The following COLEC11 variants were observed in gnomAD, a reference collection of about 807,000 sequenced individuals.
COLEC11 encodes the protein collectin-11.
A neutral mutation model predicts 27.3 loss-of-function variants in COLEC11; 20 were observed. That is an observed-to-expected ratio of 0.73 (90% CI 0.51 to 1.06). The LOEUF (loss-of-function observed/expected upper bound fraction) is 1.06, where lower values mean the gene tolerates loss of function less well. Among genes scored for constraint, COLEC11 ranks in the 50% least tolerant of loss-of-function variants. The probability of loss-of-function intolerance (pLI) is 0.00; values close to 1 mark genes in which losing one functional copy is unlikely to be tolerated. For synonymous variants in COLEC11, 163 were observed against 154.7 expected, an observed-to-expected ratio of 1.05 and a Z score of -0.40; for missense variants, 310 against 383.0, an observed-to-expected ratio of 0.81 and a Z score of 1.59.
rs373546425 is a variant in COLEC11, at chr2:3,624,564, A to G, written c.202+11182A>G. ...CTACACTTTCACTTACTCCAGTGGG[A>G]AAAAACATGGGCCAAGGGGGTTTCC... On this transcript the variant is annotated intron_variant, in intron 3 of 6. Transcript: ENST00000349077. Among the ~76,000 whole-genome samples the G allele has an allele frequency of 7.9e-5, 12 of 152,250 alleles. No individual in the cohort carries two copies. The South Asian group carries it at 2.5e-3, about 32-fold the overall frequency.
At chr2:3,628,919 G>T (rs961836033) in intron 3 of COLEC11, among the ~76,000 whole-genome samples, 1 of 152,206 alleles carries the variant, frequency 6.6e-6, no homozygotes, top group Non-Finnish European at 1.5e-5. Context: ...CGTGCCCAGT[G>T]TGCCGGGTGC....
chr2:3,611,970 T>C (rs1351934336), intron 2 of COLEC11, among the ~76,000 whole-genome samples: 2 of 148,018 alleles, frequency 1.4e-5, no homozygotes, highest in Non-Finnish European at 3.0e-5. Flanking sequence ...ACAAGAGTTA[T>C]ACTCTATATG....
At chr2:3,614,720 T>A (rs573265036) in intron 3 of COLEC11, among the ~76,000 whole-genome samples, 1 of 152,324 alleles carries the variant, frequency 6.6e-6, no homozygotes, top group African/African-American at 2.4e-5. Flanking sequence ...AGAAAATTTC[T>A]TATAATGAAA....
chr2:3,644,321 G>T lies in COLEC11; in HGVS notation c.*203G>T, dbSNP rs1666112928. 1 of 720,880 alleles carries T rather than the reference G, an allele frequency of 1.4e-6. No individual in the cohort carries two copies. The highest frequency in any genetic ancestry group is 2.0e-5 in the Admixed American group (1 of 49,896). The allele number at this position is 720,880 out of a possible 1,614,324, so 44.7% of individuals were successfully genotyped here. ...GTGTTCCTGGGGTGCTGTCTCTGAA[G>T]AAGCAGAGTTTCATTACCTGTATTG... On this transcript the variant is annotated 3_prime_UTR_variant, in exon 7 of 7. Transcript: ENST00000349077.
At chr2:3,638,194 G>A (rs1455760989) in intron 4 of COLEC11, among the ~76,000 whole-genome samples, 1 of 152,236 alleles carries the variant, frequency 6.6e-6, no homozygotes, top group Non-Finnish European at 1.5e-5. Context: ...CTCCCGTGAT[G>A]AGAGACTGAG....
chr2:3,599,796 G>T (rs553968299), intron 1 of COLEC11, among the ~76,000 whole-genome samples: 1 of 152,194 alleles, frequency 6.6e-6, no homozygotes, highest in South Asian at 2.1e-4. Context: ...TGAGCTCCAC[G>T]CCACCAGCTG....
In COLEC11 at chr2:3,644,220, G is replaced by C; in HGVS notation, c.*102G>C. ...GCCAGCCAGGGAGCTGTCCCTCTGTGAAGGGTGGAGGCTCACTGAGTAGAG... is the reference window on the plus strand; with the variant it reads ...GCCAGCCAGGGAGCTGTCCCTCTGTCAAGGGTGGAGGCTCACTGAGTAGAG... On this transcript the variant is annotated 3_prime_UTR_variant, in exon 7 of 7. Transcript: ENST00000349077. 6.9e-7 allele frequency: 1 copy of C among 1,440,604 alleles called. No homozygotes were observed. The highest frequency in any genetic ancestry group is 9.6e-7 in the Non-Finnish European group (1 of 1,040,430). The allele number at this position is 1,440,604 out of a possible 1,614,324, so 89.2% of individuals were successfully genotyped here.
At chr2:3,606,330 C>T in intron 2 of COLEC11, 1 of 1,178,392 alleles carries the variant, frequency 8.5e-7, no homozygotes, top group Non-Finnish European at 1.2e-6. Context: ...TTGGGAGGGT[C>T]CTTCCCAGCT....
At chr2:3,641,202 G>A in intron 5 of COLEC11, 4 of 1,301,216 alleles carry the variant, frequency 3.1e-6, no homozygotes, top group South Asian at 1.2e-5. Context: ...AGAAAAGAGA[G>A]GGGCTGGATT....
At chr2:3,638,552 T>C (rs1665609849) in intron 4 of COLEC11, among the ~76,000 whole-genome samples, 1 of 152,214 alleles carries the variant, frequency 6.6e-6, no homozygotes, top group African/African-American at 2.4e-5. Flanking sequence ...GGCTACGGTC[T>C]GGGGTTTGAG....
intron 2 of COLEC11, among the ~76,000 whole-genome samples, chr2:3,607,386 T>G (rs1021240144): frequency 2.0e-5 from 3 of 151,942 alleles, no homozygotes; most frequent in African/African-American, 7.2e-5. Context: ...ACAAATGTGT[T>G]TCCCAGAAAT....
chr2:3,621,026 C>G (rs892125082), intron 3 of COLEC11, among the ~76,000 whole-genome samples: 8 of 152,172 alleles, frequency 5.3e-5, no homozygotes, highest in Admixed American at 3.3e-4. Context: ...ATGGAATGTT[C>G]TCTGTTAGCT....
chr2:3,629,990 A>G (rs1331212404), intron 3 of COLEC11, among the ~76,000 whole-genome samples: 1 of 152,218 alleles, frequency 6.6e-6, no homozygotes, highest in Non-Finnish European at 1.5e-5. Flanking sequence ...ACATAAATGC[A>G]TGAATGTGTG....
At chr2:3,605,881 G>A in intron 2 of COLEC11, 1 of 526,760 alleles carries the variant, frequency 1.9e-6, no homozygotes, top group Non-Finnish European at 3.3e-6. Context: ...GCTCTGGCTG[G>A]GGGCTTTTTT....
intron 4 of COLEC11, 65 bp downstream of exon 4, chr2:3,637,669 G>A (rs181621694): frequency 8.1e-7 from 1 of 1,232,980 alleles, no homozygotes; most frequent in Non-Finnish European, 1.2e-6. Context: ...TGGATACCCT[G>A]AGAATAATTG....
At chr2:3,633,635 C>T (rs930502992) in intron 3 of COLEC11, among the ~76,000 whole-genome samples, 13 of 152,112 alleles carry the variant, frequency 8.5e-5, no homozygotes, top group South Asian at 2.1e-4. Flanking sequence ...AGCTGACCGA[C>T]GGGGGAGCGG....
intron 3 of COLEC11, among the ~76,000 whole-genome samples, chr2:3,626,622 T>C (rs933689451): frequency 2.0e-5 from 3 of 152,238 alleles, no homozygotes; most frequent in African/African-American, 7.2e-5. Flanking sequence ...TGAGCATGAC[T>C]TCCGGCCTCT....
At chr2:3,640,130 C>T (rs935573063) in intron 4 of COLEC11, 148 bp from the exon 5 acceptor site, 4 of 693,876 alleles carry the variant, frequency 5.8e-6, no homozygotes, top group Middle Eastern at 3.7e-4. Context: ...GCAGGAATTA[C>T]CTGCAGAATG....
At chr2:3,635,787 C>A (rs951857436) in intron 3 of COLEC11, among the ~76,000 whole-genome samples, 2 of 152,228 alleles carry the variant, frequency 1.3e-5, no homozygotes, top group African/African-American at 4.8e-5. Context: ...CTGGATGTGG[C>A]CCCCAGCTGC....
Sources: gnomAD v4.1 joint callset for allele counts (sites outside exome capture counted in the v4.1 genomes callset) on GRCh38, gnomAD v4.1.1 for gene constraint, MANE v1.5 for transcripts, NCBI Gene and HGNC (gene_info 2026-07-23, HGNC 2026-07-21) for gene names.